The following TNKS variants were observed in gnomAD, a reference collection of about 807,000 sequenced individuals.
TNKS encodes tankyrase, also known as poly [ADP-ribose] polymerase tankyrase-1.
TNKS carries 72 observed loss-of-function variants against 135.8 expected under a neutral mutation model. The ratio of observed to expected loss-of-function variants is 0.53; its 90% confidence interval spans 0.44 to 0.64. The LOEUF is 0.64. Ranked by LOEUF, TNKS falls within the 30% of genes least tolerant of loss-of-function variation. The pLI is 0.00. For synonymous variants in TNKS, 849 were observed against 649.3 expected (o/e 1.31, Z -4.68); for missense variants, 1,769 against 1,674.0 (o/e 1.06, Z -0.99).
At chr8:9,659,322 C>A (rs1417875685) in intron 3 of TNKS, among the ~76,000 whole-genome samples, 1 of 151,990 alleles carries the variant, frequency 6.6e-6, no homozygotes, top group East Asian at 1.9e-4. Flanking sequence ...CAAAATTGAC[C>A]ACATAGTTGG....
Position 9,781,298 on chromosome 8 carries a change from A to T in TNKS, c.*4562A>T, listed in dbSNP as rs751753192. ...CAGATTGTTCTGTGATTTCTTTTAC[A>T]TCAGTCTACCCATTTCTGCAGGCAG... On this transcript the variant is annotated 3_prime_UTR_variant, in exon 27 of 27. Transcript: ENST00000310430. 2.6e-5 allele frequency: 4 copies of T among 152,134 alleles called. No individual in the cohort carries two copies. Among genetic ancestry groups the T allele is most frequent in the African/African-American group, 9.7e-5 (4 of 41,410 alleles). 9.4% of individuals were successfully genotyped at this position (152,134 alleles called of 1,614,324 possible). A position where few individuals can be genotyped will look rare whatever the true frequency, so the allele number is the denominator to read the frequency against.
chr8:9,611,827 T>A (rs1412994427), intron 2 of TNKS, among the ~76,000 whole-genome samples: 1 of 152,212 alleles, frequency 6.6e-6, no homozygotes, highest in Admixed American at 6.5e-5. Context: ...CATTTAAGAA[T>A]GTGTCTGATA....
At chr8:9,746,879 A>C in intron 17 of TNKS, among the ~76,000 whole-genome samples, 1 of 77,406 alleles carries the variant, frequency 1.3e-5, no homozygotes. Flanking sequence ...TACCTACTTA[A>C]ACTTTTTTTT....
At chr8:9,685,677 T>G (rs1458956115) in intron 5 of TNKS, among the ~76,000 whole-genome samples, 1 of 152,216 alleles carries the variant, frequency 6.6e-6, no homozygotes, top group African/African-American at 2.4e-5. Flanking sequence ...CCTTCCCCTC[T>G]CTTCACCCAG....
intron 20 of TNKS, among the ~76,000 whole-genome samples, chr8:9,758,922 A>G (rs1353110470): frequency 6.6e-6 from 1 of 152,212 alleles, no homozygotes; most frequent in Non-Finnish European, 1.5e-5. Flanking sequence ...AGCCAGGGTC[A>G]GTATCTCATC....
rs1804159907 is a variant in TNKS, at chr8:9,708,461, TCAAACAACCGCAG to T, written c.1548_1560del (p.Lys517LeufsTer20). ...ACACTCGCTCTGGAAATCATTAATT[TCAAACAACCGCAG>T]TCTCATGAAACAGCACTGGTAAGAT... On this transcript the variant is annotated frameshift_variant, in exon 9 of 27. Coordinates refer to ENST00000310430, the MANE Select transcript of TNKS (RefSeq NM_003747.3). LOFTEE classifies it high-confidence loss of function. 1 of 1,608,958 alleles carries T rather than the reference TCAAACAACCGCAG, an allele frequency of 6.2e-7. No homozygotes were observed. Among genetic ancestry groups the T allele is most frequent in the Non-Finnish European group, 8.5e-7 (1 of 1,177,520 alleles).
At chr8:9,633,779 C>G (rs1186480222) in intron 3 of TNKS, among the ~76,000 whole-genome samples, 1 of 152,144 alleles carries the variant, frequency 6.6e-6, no homozygotes, top group African/African-American at 2.4e-5. Flanking sequence ...AGTCTCTGGC[C>G]AGTAGCCAGT....
At chr8:9,572,317 A>T (rs1316828807) in intron 1 of TNKS, among the ~76,000 whole-genome samples, 1 of 152,106 alleles carries the variant, frequency 6.6e-6, no homozygotes, top group Non-Finnish European at 1.5e-5. Flanking sequence ...TTTTTAGCTG[A>T]TTTGTTTTCT....
At chr8:9,664,967 C>T (rs10098965) in intron 3 of TNKS, among the ~76,000 whole-genome samples, 4,816 of 152,244 alleles carry the variant, frequency 0.032, 187 homozygotes, top group African/African-American at 0.095. Context: ...TACTTCTATG[C>T]ATTAAGCCAA....
intron 3 of TNKS, among the ~76,000 whole-genome samples, chr8:9,661,393 C>T (rs1190509039): frequency 4.6e-5 from 7 of 152,104 alleles, no homozygotes; most frequent in Non-Finnish European, 1.0e-4. Context: ...GAGATAGAGA[C>T]CAATGGAACA....
intron 1 of TNKS, among the ~76,000 whole-genome samples, chr8:9,569,691 A>G (rs1797687995): frequency 6.6e-6 from 1 of 152,236 alleles, no homozygotes; most frequent in South Asian, 2.1e-4. Context: ...GTTGTTTGAT[A>G]AAAGCAATAT....
chr8:9,689,350 A>G (rs1039099396), intron 5 of TNKS, among the ~76,000 whole-genome samples: 6 of 152,328 alleles, frequency 3.9e-5, no homozygotes, highest in Admixed American at 2.0e-4. Flanking sequence ...GTTTTTCTCT[A>G]CTAAGAATGC....
At chr8:9,687,587 C>T (rs73529156) in intron 5 of TNKS, among the ~76,000 whole-genome samples, 171 of 152,292 alleles carry the variant, frequency 1.1e-3, no homozygotes, top group African/African-American at 3.9e-3. Flanking sequence ...GCCAAGTGCG[C>T]TGTTTTCTCT....
chr8:9,768,316 T>TCTC (rs1361149663), intron 25 of TNKS, among the ~76,000 whole-genome samples: 1 of 152,156 alleles, frequency 6.6e-6, no homozygotes, highest in East Asian at 1.9e-4. Context: ...CTGGCCACAG[T>TCTC]CTCATAGTGA....
intron 2 of TNKS, among the ~76,000 whole-genome samples, chr8:9,598,532 C>G (rs1440446193): frequency 6.6e-6 from 1 of 151,224 alleles, no homozygotes; most frequent in African/African-American, 2.4e-5. Flanking sequence ...TCCATCTTTA[C>G]TAAAAACAGA....
chr8:9,683,121 A>G (rs74932046), intron 5 of TNKS, among the ~76,000 whole-genome samples: 11,240 of 152,064 alleles, frequency 0.074, 721 homozygotes, highest in East Asian at 0.21. Context: ...CTATTTAGAT[A>G]TTATTCTCAT....
At chr8:9,764,870 A>T in intron 23 of TNKS, 80 bp downstream of exon 23, 1 of 1,124,408 alleles carries the variant, frequency 8.9e-7, no homozygotes, top group Non-Finnish European at 1.2e-6. Flanking sequence ...AAAAAAGTTT[A>T]TTAAGTCATA....
intron 3 of TNKS, among the ~76,000 whole-genome samples, chr8:9,617,987 T>A (rs1259710283): frequency 1.0e-5 from 1 of 97,682 alleles, no homozygotes; most frequent in East Asian, 4.1e-4. Context: ...TTTTTTGGTT[T>A]TTTTTTTTTT....
chr8:9,575,433 T>C (rs1200258153), intron 1 of TNKS: 1 of 984,998 alleles, frequency 1.0e-6, no homozygotes, highest in African/African-American at 1.7e-5. Context: ...ATATCTAGAC[T>C]TATTCTAAAG....
Sources: allele counts gnomAD v4.1 joint callset (sites outside exome capture counted in the v4.1 genomes callset), GRCh38; gene constraint gnomAD v4.1.1; transcripts MANE v1.5; gene names NCBI Gene and HGNC (gene_info 2026-07-23, HGNC 2026-07-21).